EPM2A: variants seen among roughly 807,000 people sequenced by gnomAD.
The protein encoded by EPM2A is EPM2A glucan phosphatase, laforin.
A neutral mutation model predicts 26.5 loss-of-function variants in EPM2A; 21 were observed. The observed-to-expected ratio is 0.79, with a 90% CI of 0.56 to 1.14. EPM2A has a LOEUF of 1.14. Among genes scored for constraint, EPM2A ranks in the 50% most tolerant of loss-of-function variants. The pLI, the probability that EPM2A is intolerant of heterozygous loss-of-function variation, is 0.00. For missense variants in EPM2A, 458 were observed against 440.8 expected (o/e 1.04, Z -0.35); for synonymous variants, 217 against 177.6 (o/e 1.22, Z -1.76).
chr6:145,718,754 G>T (rs1775784225), intron 1 of EPM2A, among the ~76,000 whole-genome samples: 1 of 152,156 alleles, frequency 6.6e-6, no homozygotes, highest in South Asian at 2.1e-4. Flanking sequence ...AATCTACAAT[G>T]AACTCAAACA....
chr6:145,657,631 T>C (rs1376341418), intron 2 of EPM2A, among the ~76,000 whole-genome samples: 2 of 152,212 alleles, frequency 1.3e-5, no homozygotes, highest in Non-Finnish European at 2.9e-5. Context: ...TCTGTAATAA[T>C]AGATGTGCCT....
intron 2 of EPM2A, among the ~76,000 whole-genome samples, chr6:145,519,878 T>G: frequency 6.6e-6 from 1 of 152,112 alleles, no homozygotes; most frequent in Admixed American, 6.5e-5. Context: ...AGGCCCAGGG[T>G]CATTCCCAAC....
At chr6:145,677,832 T>C (rs1414722232) in intron 2 of EPM2A, among the ~76,000 whole-genome samples, 1 of 152,102 alleles carries the variant, frequency 6.6e-6, no homozygotes, top group African/African-American at 2.4e-5. Context: ...AGAATCAATA[T>C]CGTGAAAATG....
chr6:145,664,804 A>C (rs1198415835), intron 2 of EPM2A, among the ~76,000 whole-genome samples: 4 of 152,212 alleles, frequency 2.6e-5, no homozygotes, highest in South Asian at 4.2e-4. Context: ...AGAAATTATA[A>C]CAAACTGTCT....
intron 4 of EPM2A, among the ~76,000 whole-genome samples, chr6:145,401,028 A>G (rs1412705328): frequency 2.0e-5 from 3 of 152,200 alleles, no homozygotes; most frequent in Non-Finnish European, 2.9e-5. Flanking sequence ...CTTTGACTTT[A>G]CTAAAGGGTT....
intron 2 of EPM2A, among the ~76,000 whole-genome samples, chr6:145,578,788 C>A (rs1223201666): frequency 6.6e-6 from 1 of 152,118 alleles, no homozygotes; most frequent in Non-Finnish European, 1.5e-5. Context: ...ATGAAGTCAT[C>A]CCTACAAGAT....
chr6:145,427,051 G>A (rs1385385666), intron 4 of EPM2A, among the ~76,000 whole-genome samples: 1 of 152,158 alleles, frequency 6.6e-6, no homozygotes. Flanking sequence ...ACTTTGTATA[G>A]TCATTCATGG....
intron 2 of EPM2A, among the ~76,000 whole-genome samples, chr6:145,679,668 G>A (rs952077595): frequency 2.6e-5 from 4 of 152,030 alleles, no homozygotes; most frequent in Non-Finnish European, 5.9e-5. Flanking sequence ...CCCATACCAA[G>A]ACATTCATCA....
In EPM2A at chr6:145,625,884, T is replaced by C; in HGVS notation, c.*1532A>G. 2 of 1,480,174 alleles carry C rather than the reference T, an allele frequency of 1.4e-6. No homozygotes were observed. The highest frequency in any genetic ancestry group is 5.0e-5 in the East Asian group (2 of 40,014). The allele number at this position is 1,480,174 out of a possible 1,614,324, so 91.7% of individuals were successfully genotyped here. The stretch of plus-strand genomic sequence containing the variant: ...TATGTGTTTGTGGAAGAAAGGAAGG[T>C]GCAGAAAAATAAATACGCATCATAG... On this transcript the variant is annotated 3_prime_UTR_variant, in exon 4 of 4. Coordinates refer to ENST00000367519, the MANE Select transcript of EPM2A (RefSeq NM_005670.4).
At chr6:145,384,904 T>G (rs1778238132) in intron 4 of EPM2A, among the ~76,000 whole-genome samples, 1 of 147,554 alleles carries the variant, frequency 6.8e-6, no homozygotes, top group Non-Finnish European at 1.5e-5. Flanking sequence ...AGTGAAGAGA[T>G]AAGACAACGA....
intron 4 of EPM2A, among the ~76,000 whole-genome samples, chr6:145,484,690 G>A (rs543036194): frequency 7.9e-5 from 12 of 151,968 alleles, no homozygotes; most frequent in African/African-American, 1.7e-4. Flanking sequence ...ACAAATATGC[G>A]AAAACAAAAT....
chr6:145,676,839 C>A (rs1353790133), intron 2 of EPM2A, among the ~76,000 whole-genome samples: 2 of 152,038 alleles, frequency 1.3e-5, no homozygotes, highest in Non-Finnish European at 2.9e-5. Context: ...CAGCCAAATT[C>A]TATGAGAGGT....
chr6:145,515,575 T>C (rs1301640100), intron 2 of EPM2A, among the ~76,000 whole-genome samples: 1 of 152,170 alleles, frequency 6.6e-6, no homozygotes, highest in Non-Finnish European at 1.5e-5. Flanking sequence ...AGGAGTGAAG[T>C]GTCTCACTGG....
chr6:145,551,012 A>G (rs1440954403), intron 2 of EPM2A, among the ~76,000 whole-genome samples: 2 of 152,028 alleles, frequency 1.3e-5, no homozygotes, highest in African/African-American at 4.8e-5. Flanking sequence ...CTGTACAGCG[A>G]ATAAGGTCTC....
chr6:145,475,391 C>T (rs1187103017), intron 4 of EPM2A, among the ~76,000 whole-genome samples: 3 of 152,128 alleles, frequency 2.0e-5, no homozygotes, highest in Non-Finnish European at 4.4e-5. Context: ...CATGTTCTCA[C>T]TCATAAGTTG....
At chr6:145,590,450 A>T (rs866508941) in intron 2 of EPM2A, among the ~76,000 whole-genome samples, 2 of 139,400 alleles carry the variant, frequency 1.4e-5, no homozygotes, top group Non-Finnish European at 3.2e-5. Context: ...AATAAAAAAA[A>T]AGAAAATTGT....
intron 2 of EPM2A, among the ~76,000 whole-genome samples, chr6:145,676,315 G>C (rs979412296): frequency 6.6e-6 from 1 of 152,104 alleles, no homozygotes; most frequent in African/African-American, 2.4e-5. Flanking sequence ...ATGCCCACAA[G>C]AGAAAGCAGA....
At chr6:145,510,256 C>T (rs570982112) in intron 2 of EPM2A, among the ~76,000 whole-genome samples, 1 of 152,168 alleles carries the variant, frequency 6.6e-6, no homozygotes, top group African/African-American at 2.4e-5. Flanking sequence ...AGACTTCTAA[C>T]AGAATACTGC....
chr6:145,442,518 T>C (rs1351085009), intron 4 of EPM2A, among the ~76,000 whole-genome samples: 1 of 152,176 alleles, frequency 6.6e-6, no homozygotes, highest in Non-Finnish European at 1.5e-5. Context: ...CCACCAGATC[T>C]TGTGAGACTT....
Sources: gnomAD v4.1 joint callset for allele counts (sites outside exome capture counted in the v4.1 genomes callset) on GRCh38, gnomAD v4.1.1 for gene constraint, MANE v1.5 for transcripts, NCBI Gene and HGNC (gene_info 2026-07-23, HGNC 2026-07-21) for gene names.